MYO5A: variants seen among roughly 807,000 people sequenced by gnomAD.
MYO5A encodes the protein unconventional myosin-Va.
Under a neutral mutation model 249.7 loss-of-function variants are expected in MYO5A, and 98 were observed. The observed-to-expected ratio is 0.39, with a 90% confidence interval of 0.33 to 0.46. MYO5A has a LOEUF of 0.46. Ranked by LOEUF, MYO5A falls within the 20% of genes least tolerant of loss-of-function variation. The pLI is 0.98. For missense variants in MYO5A, 1,696 were observed against 2,308.8 expected, an observed-to-expected ratio of 0.73 and a Z score of 5.44; for synonymous variants, 778 against 810.6, an observed-to-expected ratio of 0.96 and a Z score of 0.68.
chr15:52,464,246 C>T (rs2076310376), intron 1 of MYO5A, among the ~76,000 whole-genome samples: 2 of 152,336 alleles, frequency 1.3e-5, no homozygotes, highest in Non-Finnish European at 1.5e-5. Context: ...CTACGATGTA[C>T]TATGTGATCT....
chr15:52,458,447 G>T (rs970568803), intron 1 of MYO5A, among the ~76,000 whole-genome samples: 13 of 151,856 alleles, frequency 8.6e-5, no homozygotes, highest in Non-Finnish European at 1.8e-4. Context: ...TGGCATGGTG[G>T]CATCTTTACA....
intron 1 of MYO5A, among the ~76,000 whole-genome samples, chr15:52,513,550 G>C (rs1033767999): frequency 1.3e-5 from 2 of 151,388 alleles, no homozygotes; most frequent in Non-Finnish European, 3.0e-5. Context: ...TCAGCGTCCT[G>C]AGTAGCTGGG....
intron 9 of MYO5A, among the ~76,000 whole-genome samples, chr15:52,399,317 A>G (rs2042637283): frequency 6.6e-6 from 1 of 152,184 alleles, no homozygotes; most frequent in African/African-American, 2.4e-5. Context: ...TTCTCTTCAG[A>G]GATGAGATTT....
intron 4 of MYO5A, among the ~76,000 whole-genome samples, chr15:52,420,225 A>C (rs755268089): frequency 6.6e-6 from 1 of 151,260 alleles, no homozygotes; most frequent in Non-Finnish European, 1.5e-5. Flanking sequence ...GGATCACTTG[A>C]GCCTGGGAGG....
chr15:52,477,926 C>T (rs2076631635), intron 1 of MYO5A, among the ~76,000 whole-genome samples: 1 of 152,220 alleles, frequency 6.6e-6, no homozygotes. Context: ...AGAACCACTA[C>T]TCTCTTGAAA....
rs527716337 is a variant in MYO5A at position 52,340,301 on chromosome 15, G to T, written c.4134C>A (p.Asn1378Lys). The change falls in exon 32 of 42, where the codon AAC (asparagine) becomes AAA (lysine). Residue 1378 changes from asparagine to lysine, a missense_variant. This residue lies in a region of MYO5A where 625 missense variants were observed against 908.1 expected (regional missense o/e 0.69). Transcript: ENST00000399233. ...GGGCCAGCAGCTGCTGCTGTCGGTT[G>T]TTCTCCTCCTTCAGGCTCTGGATCT... ...RGEIQSLKEE[N>K]NRQQQLLAQN... The T allele has an allele frequency of 5.6e-6, 9 of 1,614,018 alleles. No individual in the cohort carries two copies. The East Asian group carries it at 6.7e-5, about 12-fold the overall frequency.
chr15:52,413,926 C>G (rs1387616210), intron 5 of MYO5A, among the ~76,000 whole-genome samples: 2 of 152,118 alleles, frequency 1.3e-5, no homozygotes, highest in Non-Finnish European at 2.9e-5. Context: ...TAATTGCATA[C>G]TGTAAGTATT....
intron 25 of MYO5A, among the ~76,000 whole-genome samples, chr15:52,356,123 TAA>T (rs1025049082): frequency 1.3e-5 from 2 of 152,176 alleles, no homozygotes; most frequent in African/African-American, 2.4e-5. Flanking sequence ...ATGTGGAAGA[TAA>T]AGAGTCCCTT....
chr15:52,481,578 T>C (rs1242293754), intron 1 of MYO5A, among the ~76,000 whole-genome samples: 1 of 152,000 alleles, frequency 6.6e-6, no homozygotes, highest in Non-Finnish European at 1.5e-5. Context: ...ACCCAACTTG[T>C]GCAAAGAAAA....
Position 52,366,255 on chromosome 15 carries a change from T to C in MYO5A, c.3160+776A>G, listed in dbSNP as rs565050349. Among the ~76,000 whole-genome samples the C allele has an allele frequency of 2.0e-5, 3 of 152,320 alleles. No individual in the cohort carries two copies. The South Asian group carries it at 6.2e-4, about 32-fold the overall frequency. ...TCATAAATGTATACTTTTTTCTCAA[T>C]ATCCGTATTACTAATAACATATCTT... On this transcript the variant is annotated intron_variant, in intron 23 of 41. Coordinates refer to ENST00000399233, the MANE Select transcript of MYO5A (RefSeq NM_001382347.1).
At chr15:52,359,121 T>C (rs2040394600) in intron 25 of MYO5A, among the ~76,000 whole-genome samples, 1 of 152,238 alleles carries the variant, frequency 6.6e-6, no homozygotes, top group Non-Finnish European at 1.5e-5. Context: ...TGTAACATTT[T>C]TCTTCAAAAT....
intron 1 of MYO5A, among the ~76,000 whole-genome samples, chr15:52,526,688 T>C (rs1343467610): frequency 6.6e-6 from 1 of 152,186 alleles, no homozygotes; most frequent in Non-Finnish European, 1.5e-5. Context: ...AGACCAGGTC[T>C]CATTATGTTC....
chr15:52,337,739 T>C, intron 33 of MYO5A, 71 bp downstream of exon 33: 1 of 1,125,536 alleles, frequency 8.9e-7, no homozygotes, highest in Non-Finnish European at 1.3e-6. Context: ...CAGGCAGCAG[T>C]GTGCTCTTCA....
chr15:52,449,880 A>G (rs917486319), intron 1 of MYO5A, among the ~76,000 whole-genome samples: 1 of 152,152 alleles, frequency 6.6e-6, no homozygotes, highest in Non-Finnish European at 1.5e-5. Flanking sequence ...ACATGCCTGC[A>G]GTCCCAGCTA....
At chr15:52,371,216 T>C (rs1251422168) in intron 21 of MYO5A, among the ~76,000 whole-genome samples, 1 of 152,120 alleles carries the variant, frequency 6.6e-6, no homozygotes, top group Non-Finnish European at 1.5e-5. Flanking sequence ...ACTCAGAAAA[T>C]CTTCCATCCC....
chr15:52,337,336 T>C (rs552701770), intron 33 of MYO5A, among the ~76,000 whole-genome samples: 31 of 152,226 alleles, frequency 2.0e-4, no homozygotes, highest in African/African-American at 7.5e-4. Flanking sequence ...AAAAACTCAA[T>C]CAAAAAGAAA....
intron 1 of MYO5A, among the ~76,000 whole-genome samples, chr15:52,474,622 C>T (rs2076550699): frequency 6.6e-6 from 1 of 152,064 alleles, no homozygotes; most frequent in South Asian, 2.1e-4. Context: ...TTGTCAAAGG[C>T]CTTTTCTGCA....
intron 1 of MYO5A, among the ~76,000 whole-genome samples, chr15:52,463,310 T>G (rs72738514): frequency 0.15 from 22,598 of 152,124 alleles, 1,773 homozygotes; most frequent in Middle Eastern, 0.22. Context: ...AGAATTTCAT[T>G]CTGTCTGTAA....
rs2037830477 is a variant in MYO5A at position 52,312,934 on chromosome 15, T to C, written c.*762A>G. 6.6e-6 allele frequency: 1 copy of C among 152,600 alleles called. No homozygotes were observed. The highest frequency in any genetic ancestry group is 1.5e-5 in the Non-Finnish European group (1 of 68,046). 9.5% of individuals were successfully genotyped at this position (152,600 alleles called of 1,614,324 possible). ...TTCCAGTGTCTGCTACTTGTGCAGG[T>C]GAATCTGTAGGTATTTGCATATAAT... On this transcript the variant is annotated 3_prime_UTR_variant, in exon 42 of 42. Coordinates refer to ENST00000399233, the MANE Select transcript of MYO5A (RefSeq NM_001382347.1).
Sources: allele counts gnomAD v4.1 joint callset (sites outside exome capture counted in the v4.1 genomes callset), GRCh38; gene constraint gnomAD v4.1.1; regional missense constraint gnomAD v4.1.1; transcripts MANE v1.5; gene names NCBI Gene and HGNC (gene_info 2026-07-23, HGNC 2026-07-21).